Variants in IL17RA observed in about 807,000 individuals in gnomAD.
The protein encoded by IL17RA is interleukin-17 receptor A.
A neutral mutation model predicts 50.4 loss-of-function variants in IL17RA; 34 were observed. The ratio of observed to expected loss-of-function variants is 0.67; its 90% CI spans 0.51 to 0.90. IL17RA has a LOEUF of 0.90. Ranked by LOEUF, IL17RA falls within the 40% of genes least tolerant of loss-of-function variation. The pLI, the probability that IL17RA is intolerant of heterozygous loss-of-function variation, is 0.00. For synonymous variants in IL17RA, 585 were observed against 510.4 expected (o/e 1.15, Z -1.97); for missense variants, 1,276 against 1,169.8 (o/e 1.09, Z -1.32).
intron 1 of IL17RA, among the ~76,000 whole-genome samples, chr22:17,095,680 G>A (rs2061365964): frequency 6.6e-6 from 1 of 150,838 alleles, no homozygotes; most frequent in Non-Finnish European, 1.5e-5. Context: ...TCGCCATTTA[G>A]GAAAGAGTGA....
Position 17,108,852 on chromosome 22 carries a change from G to A in IL17RA, c.1633G>A (p.Gly545Ser). Residue 545 changes from glycine to serine, a missense_variant, in exon 13 of 13, where the codon GGC becomes AGC. Coordinates refer to ENST00000319363, the MANE Select transcript of IL17RA (RefSeq NM_014339.7). ...CCAGGACCTGGAGATGTTCCAGCCG[G>A]GCCGCATGCACCGCGTAGGGGAGCT... ...RIQDLEMFQP[G>S]RMHRVGELSG... The A allele has an allele frequency of 6.2e-7, 1 of 1,608,786 alleles. No homozygotes were observed. The highest frequency in any genetic ancestry group is 8.5e-7 in the Non-Finnish European group (1 of 1,177,876).
At position 17,108,956 on chromosome 22, in the gene IL17RA, C is replaced by G. The variant is rs1489582773; in HGVS notation, c.1737C>G (p.Val579=). 1 of 1,607,164 alleles carries G rather than the reference C, an allele frequency of 6.2e-7. No homozygotes were observed. Among genetic ancestry groups the G allele is most frequent in the East Asian group, 2.2e-5 (1 of 44,662 alleles). The change falls in exon 13 of 13, where the codon GTC becomes GTG. Residue 579 remains valine, a synonymous_variant. Coordinates refer to ENST00000319363, the MANE Select transcript of IL17RA (RefSeq NM_014339.7). ...AALDRFRDWQ[V]RCPDWFECEN... is the part of the protein sequence containing the mutation. ...TGGACAGGTTCCGGGACTGGCAGGT[C>G]CGCTGTCCCGACTGGTTCGAATGTG...
chr22:17,085,089 G>C lies in IL17RA; in HGVS notation c.-3G>C, dbSNP rs1482742378. On this transcript the variant is annotated 5_prime_UTR_variant, in exon 1 of 13. Coordinates refer to ENST00000319363, the MANE Select transcript of IL17RA (RefSeq NM_014339.7). ...CCGAGCCCTCCGCGACGCCAGCCGG[G>C]CCATGGGGGCCGCACGCAGCCCGCC... is the stretch of plus-strand genomic sequence containing the variant. 3 of 1,335,444 alleles carry C rather than the reference G, an allele frequency of 2.2e-6. No homozygotes were observed. Among genetic ancestry groups the C allele is most frequent in the African/African-American group, 1.5e-5 (1 of 65,424 alleles). 82.7% of individuals were successfully genotyped at this position (1,335,444 alleles called of 1,614,324 possible). A position where few individuals can be genotyped will look rare whatever the true frequency, so the allele number is the denominator to read the frequency against.
At position 17,112,690 on chromosome 22, in the gene IL17RA, A is replaced by C. The variant is rs1218844641; in HGVS notation, c.*2870A>C. ...TGGTGTTTGCTGTCCGCTGAATGCC[A>C]AGAGCTTCAAGAGTGTGTGTAAATA... On this transcript the variant is annotated 3_prime_UTR_variant, in exon 13 of 13. Coordinates refer to ENST00000319363, the MANE Select transcript of IL17RA (RefSeq NM_014339.7). 1 of 152,194 alleles carries C rather than the reference A, an allele frequency of 6.6e-6. No homozygotes were observed. Among genetic ancestry groups the C allele is most frequent in the Non-Finnish European group, 1.5e-5 (1 of 68,040 alleles). The allele number at this position is 152,194 out of a possible 1,614,324, so 9.4% of individuals were successfully genotyped here.
At chr22:17,102,385 G>A in intron 7 of IL17RA, 83 bp downstream of exon 7, 1 of 1,494,490 alleles carries the variant, frequency 6.7e-7, no homozygotes, top group Non-Finnish European at 9.3e-7. Context: ...TGGTCTGACA[G>A]AACCGCGTTG....
Position 17,097,096 on chromosome 22 carries a change from C to T in IL17RA, c.163+10C>T. ...TGCACGGTCAAGAATAGTAAGTCAT[C>T]TTTTTCTGTTCTTCTTCTTGTTGCC... On this transcript the variant is annotated intron_variant, in intron 2 of 12. Coordinates refer to ENST00000319363, the MANE Select transcript of IL17RA (RefSeq NM_014339.7). 4.3e-6 allele frequency: 7 copies of T among 1,612,402 alleles called. No homozygotes were observed. The highest frequency in any genetic ancestry group is 5.9e-6 in the Non-Finnish European group (7 of 1,178,450).
chr22:17,109,910 A>C lies in IL17RA; in HGVS notation c.*90A>C. ...TCTGTGTGTACATGTCTGCATGTGTATATGTTCGTGTGTGAAATGTAGGCT... is the reference window on the plus strand; with the variant it reads ...TCTGTGTGTACATGTCTGCATGTGTCTATGTTCGTGTGTGAAATGTAGGCT... On this transcript the variant is annotated 3_prime_UTR_variant, in exon 13 of 13. Transcript: ENST00000319363. 1 of 1,194,548 alleles carries C rather than the reference A, an allele frequency of 8.4e-7. No homozygotes were observed. The highest frequency in any genetic ancestry group is 1.2e-6 in the Non-Finnish European group (1 of 848,262). 74.0% of individuals were successfully genotyped at this position (1,194,548 alleles called of 1,614,324 possible). A position where few individuals can be genotyped will look rare whatever the true frequency, so the allele number is the denominator to read the frequency against.
intron 1 of IL17RA, among the ~76,000 whole-genome samples, chr22:17,092,068 T>C (rs2061350173): frequency 6.6e-6 from 1 of 152,140 alleles, no homozygotes; most frequent in Non-Finnish European, 1.5e-5. Context: ...CCCACCCCTT[T>C]ACCCATCACA....
intron 1 of IL17RA, chr22:17,093,743 A>G (rs1601338020): frequency 5.2e-6 from 1 of 193,676 alleles, no homozygotes; most frequent in East Asian, 1.2e-4. Context: ...TGGACACAGT[A>G]TGGAACGTTC....
intron 1 of IL17RA, among the ~76,000 whole-genome samples, chr22:17,087,097 A>G (rs1330355929): frequency 1.3e-5 from 2 of 152,202 alleles, no homozygotes; most frequent in African/African-American, 4.8e-5. Flanking sequence ...CCTCACAGAC[A>G]GCTCTTCTCC....
intron 1 of IL17RA, among the ~76,000 whole-genome samples, chr22:17,086,092 C>T (rs1372201247): frequency 6.6e-6 from 1 of 152,116 alleles, no homozygotes; most frequent in African/African-American, 2.4e-5. Context: ...GTGACCCACC[C>T]GCCTGCCGGG....
At chr22:17,088,466 C>A (rs1169118416) in intron 1 of IL17RA, among the ~76,000 whole-genome samples, 2 of 151,384 alleles carry the variant, frequency 1.3e-5, no homozygotes, top group Non-Finnish European at 2.9e-5. Context: ...TTACAGGCGC[C>A]CACCACTACA....
In IL17RA at chr22:17,105,621, C is replaced by T. The variant is rs756532707; in HGVS notation, c.943+19C>T. 1.2e-6 allele frequency: 2 copies of T among 1,612,802 alleles called. No individual in the cohort carries two copies. Among genetic ancestry groups the T allele is most frequent in the African/African-American group, 2.7e-5 (2 of 74,874 alleles). ...ATTCCGGGTAAGCTTGGATCTCTCT[C>T]CGACAGCACTGCAGCCCTCAGGGGA... On this transcript the variant is annotated intron_variant, in intron 10 of 12. Coordinates refer to ENST00000319363, the MANE Select transcript of IL17RA (RefSeq NM_014339.7).
At chr22:17,090,039 T>C (rs1601335872) in intron 1 of IL17RA, among the ~76,000 whole-genome samples, 3 of 152,198 alleles carry the variant, frequency 2.0e-5, no homozygotes, top group Admixed American at 6.5e-5. Context: ...TTTTTTTTCT[T>C]AGAGACGGAG....
chr22:17,101,484 A>AG (rs933307544), intron 5 of IL17RA, among the ~76,000 whole-genome samples: 18 of 152,254 alleles, frequency 1.2e-4, no homozygotes, highest in African/African-American at 4.3e-4. Flanking sequence ...TGCAATCTCC[A>AG]GGGGGCAGGG....
intron 1 of IL17RA, among the ~76,000 whole-genome samples, chr22:17,090,285 A>G (rs1158429625): frequency 6.6e-6 from 1 of 152,198 alleles, no homozygotes; most frequent in African/African-American, 2.4e-5. Context: ...CGGCCTCCCA[A>G]AGTGCTAGGA....
rs1009071869 is a variant in IL17RA at position 17,112,907 on chromosome 22, C to G, written c.*3087C>G. The G allele has an allele frequency of 2.0e-5, 3 of 151,804 alleles. No homozygotes were observed. Among genetic ancestry groups the G allele is most frequent in the Non-Finnish European group, 4.4e-5 (3 of 68,010 alleles). 9.4% of individuals were successfully genotyped at this position (151,804 alleles called of 1,614,324 possible). On this transcript the variant is annotated 3_prime_UTR_variant, in exon 13 of 13. Transcript: ENST00000319363. ...CATCTAACCATGCCTGTGTCCAGGC[C>G]GATTATGCACGCAGCCACCAACAAG...
chr22:17,102,209 G>A lies in IL17RA; in HGVS notation c.669G>A (p.Leu223=), dbSNP rs1311050752. Residue 223 remains leucine (L), a synonymous_variant, in exon 7 of 13, where the codon CTG becomes CTA. Transcript: ENST00000319363. ...EAHQLRVSFT[L]WNESTHYQIL... ...ACCAGCTGCGTGTGAGCTTCACCCT[G>A]TGGAACGAATCTACCCATTACCAGA... 2.5e-6 allele frequency: 4 copies of A among 1,614,200 alleles called. No individual in the cohort carries two copies. The highest frequency in any genetic ancestry group is 1.1e-5 in the South Asian group (1 of 91,088).
At chr22:17,096,120 ACTGGAGACAC>A (rs1489350717) in intron 1 of IL17RA, among the ~76,000 whole-genome samples, 2 of 152,128 alleles carry the variant, frequency 1.3e-5, no homozygotes, top group Non-Finnish European at 2.9e-5. Context: ...CAGTTAGAGA[ACTGGAGACAC>A]CTGAGCCTGA....
Sources: gnomAD v4.1 joint callset for allele counts (sites outside exome capture counted in the v4.1 genomes callset) on GRCh38, gnomAD v4.1.1 for gene constraint, MANE v1.5 for transcripts, NCBI Gene and HGNC (gene_info 2026-07-23, HGNC 2026-07-21) for gene names.